KAZN: variants seen among roughly 807,000 people sequenced by gnomAD.
The protein encoded by KAZN is kazrin.
KAZN carries 40 observed loss-of-function variants against 87.4 expected under a neutral mutation model. That is an observed-to-expected ratio of 0.46 (90% CI 0.36 to 0.60). KAZN has a LOEUF of 0.60. Ranked by LOEUF, KAZN falls within the 20% of genes least tolerant of loss-of-function variation. The pLI is 0.00. For missense variants in KAZN, 898 were observed against 1,073.9 expected (o/e 0.84, Z 2.29); for synonymous variants, 466 against 458.3 (o/e 1.02, Z -0.22).
At chr1:14,442,430 C>A (rs1666756798) in intron 2 of KAZN, among the ~76,000 whole-genome samples, 1 of 152,188 alleles carries the variant, frequency 6.6e-6, no homozygotes, top group Non-Finnish European at 1.5e-5. Context: ...TCACTATGCC[C>A]TTGGAGGTTT....
chr1:14,214,729 G>T (rs1261385344), intron 2 of KAZN, among the ~76,000 whole-genome samples: 11 of 152,168 alleles, frequency 7.2e-5, no homozygotes, highest in African/African-American at 2.7e-4. Context: ...AATAGAGGTA[G>T]CCACTTACCA....
At chr1:14,833,583 C>A (rs1423810706) in intron 1 of KAZN, among the ~76,000 whole-genome samples, 1 of 152,176 alleles carries the variant, frequency 6.6e-6, no homozygotes, top group African/African-American at 2.4e-5. Context: ...CCCCCCCAGG[C>A]CCTCATCATA....
At chr1:14,097,595 G>T (rs1644156453) in intron 1 of KAZN, among the ~76,000 whole-genome samples, 1 of 152,148 alleles carries the variant, frequency 6.6e-6, no homozygotes, top group African/African-American at 2.4e-5. Flanking sequence ...TGCAATTACA[G>T]AATAATGTAT....
intron 8 of KAZN, among the ~76,000 whole-genome samples, chr1:15,084,143 G>A (rs1312615168): frequency 2.0e-5 from 3 of 152,228 alleles, no homozygotes; most frequent in Non-Finnish European, 2.9e-5. Flanking sequence ...TGGGGGGAAA[G>A]GCAAAGGAAA....
chr1:14,721,828 T>C (rs964801995), intron 1 of KAZN, among the ~76,000 whole-genome samples: 1 of 152,106 alleles, frequency 6.6e-6, no homozygotes, highest in Non-Finnish European at 1.5e-5. Flanking sequence ...TAGAAATACA[T>C]ATACTCTGGG....
chr1:14,299,802 A>AC (rs1654404069), intron 2 of KAZN, among the ~76,000 whole-genome samples: 1 of 152,224 alleles, frequency 6.6e-6, no homozygotes, highest in South Asian at 2.1e-4. Context: ...CATCACATTT[A>AC]CTAAAGTTCA....
chr1:14,919,010 C>T (rs1389287639), intron 1 of KAZN, among the ~76,000 whole-genome samples: 1 of 151,880 alleles, frequency 6.6e-6, no homozygotes, highest in Non-Finnish European at 1.5e-5. Context: ...ATATACTTCC[C>T]ATCACTACCA....
At chr1:14,655,740 C>G (rs369560493) in intron 1 of KAZN, among the ~76,000 whole-genome samples, 1 of 152,114 alleles carries the variant, frequency 6.6e-6, no homozygotes, top group Non-Finnish European at 1.5e-5. Context: ...TTGCATCTAC[C>G]GAATAATTCA....
intron 8 of KAZN, among the ~76,000 whole-genome samples, chr1:15,086,324 G>C (rs1037716710): frequency 2.0e-5 from 3 of 152,128 alleles, no homozygotes; most frequent in African/African-American, 7.2e-5. Context: ...GGCTTGCAGT[G>C]GACTTCTCTA....
intron 2 of KAZN, among the ~76,000 whole-genome samples, chr1:14,403,477 A>C (rs1663585099): frequency 6.6e-6 from 1 of 152,202 alleles, no homozygotes. Flanking sequence ...AACAAAATTG[A>C]AAGACAAACC....
At chr1:14,388,485 A>C (rs1662141921) in intron 2 of KAZN, among the ~76,000 whole-genome samples, 1 of 152,224 alleles carries the variant, frequency 6.6e-6, no homozygotes, top group African/African-American at 2.4e-5. Context: ...CCAAAACAGT[A>C]CAGTACTGGC....
At position 14,022,474 on chromosome 1, in the gene KAZN, C is replaced by T. The variant is rs569857617; in HGVS notation, c.91+128718C>T. On this transcript the variant is annotated intron_variant, in intron 1 of 16. Coordinates refer to the KAZN transcript ENST00000636203. ...AGACCACGGTGCATTATAGCTTTCACGTATTTAAAGCAAAAAAAAAAAAAA... is the reference window on the plus strand; with the variant it reads ...AGACCACGGTGCATTATAGCTTTCATGTATTTAAAGCAAAAAAAAAAAAAA... Among the ~76,000 whole-genome samples, 106 of 98,798 alleles carry T rather than the reference C, an allele frequency of 1.1e-3. 2 individuals carry two copies. The highest frequency in any genetic ancestry group is 3.2e-3 in the Admixed American group (20 of 6,198). 64.8% of individuals were successfully genotyped at this position (98,798 alleles called of 152,430 possible).
chr1:14,432,198 A>G (rs997326694), intron 2 of KAZN, among the ~76,000 whole-genome samples: 1 of 152,238 alleles, frequency 6.6e-6, no homozygotes, highest in Non-Finnish European at 1.5e-5. Flanking sequence ...AACTTTTTCT[A>G]GAAACTATTG....
intron 2 of KAZN, among the ~76,000 whole-genome samples, chr1:14,451,121 A>C (rs1667247287): frequency 6.6e-6 from 1 of 152,082 alleles, no homozygotes; most frequent in Non-Finnish European, 1.5e-5. Context: ...CATGCTTCCT[A>C]TACAGCATGC....
chr1:14,000,854 C>T (rs1235196601), intron 1 of KAZN, among the ~76,000 whole-genome samples: 1 of 151,438 alleles, frequency 6.6e-6, no homozygotes, highest in African/African-American at 2.4e-5. Flanking sequence ...GGGATCTCGG[C>T]TCACTGCAAG....
intron 2 of KAZN, among the ~76,000 whole-genome samples, chr1:14,274,974 C>T (rs866684401): frequency 2.1e-4 from 32 of 151,574 alleles, no homozygotes; most frequent in African/African-American, 7.3e-4. Flanking sequence ...TTGTATGGGA[C>T]CATTTTTGGT....
intron 1 of KAZN, among the ~76,000 whole-genome samples, chr1:13,945,716 A>G (rs770056488): frequency 1.7e-5 from 1 of 59,818 alleles, no homozygotes; most frequent in East Asian, 2.8e-4. Context: ...TGTGTGAGAG[A>G]GAGAGAGAGA....
chr1:14,543,827 T>C (rs939682304), intron 2 of KAZN, among the ~76,000 whole-genome samples: 11 of 152,106 alleles, frequency 7.2e-5, no homozygotes, highest in Admixed American at 2.6e-4. Context: ...TGTAAGCAAA[T>C]AAATCAAATA....
At chr1:14,649,008 G>T (rs1681017981) in intron 1 of KAZN, among the ~76,000 whole-genome samples, 1 of 152,196 alleles carries the variant, frequency 6.6e-6, no homozygotes, top group African/African-American at 2.4e-5. Context: ...CACATATTTG[G>T]ATTTTACAGG....
Sources: gnomAD v4.1 joint callset for allele counts (sites outside exome capture counted in the v4.1 genomes callset) on GRCh38, gnomAD v4.1.1 for gene constraint, MANE v1.5 for transcripts, NCBI Gene and HGNC (gene_info 2026-07-23, HGNC 2026-07-21) for gene names.